Variants in SIPA1L1 observed in about 807,000 individuals in gnomAD.
The protein encoded by SIPA1L1 is signal-induced proliferation-associated 1-like protein 1.
Under a neutral mutation model 162.7 loss-of-function variants are expected in SIPA1L1, and 26 were observed. The observed-to-expected ratio is 0.16, with a 90% CI of 0.12 to 0.22. The LOEUF is 0.22. Among genes scored for constraint, SIPA1L1 ranks in the 10% least tolerant of loss-of-function variants. The pLI is 1.00. For synonymous variants in SIPA1L1, 829 were observed against 837.4 expected (o/e 0.99, Z 0.17); for missense variants, 1,874 against 2,241.0 (o/e 0.84, Z 3.31).
chr14:71,716,959 G>T (rs1263349245), intron 17 of SIPA1L1, among the ~76,000 whole-genome samples: 1 of 152,206 alleles, frequency 6.6e-6, no homozygotes, highest in Admixed American at 6.5e-5. Flanking sequence ...GAGTGCAGTA[G>T]CACGATCTTG....
chr14:71,358,280 C>G (rs1056341397), intron 2 of SIPA1L1, among the ~76,000 whole-genome samples: 1 of 152,178 alleles, frequency 6.6e-6, no homozygotes, highest in Non-Finnish European at 1.5e-5. Flanking sequence ...TAAAAACACA[C>G]CAAGCATACC....
intron 2 of SIPA1L1, among the ~76,000 whole-genome samples, chr14:71,359,736 G>T (rs1320331963): frequency 6.6e-6 from 1 of 152,124 alleles, no homozygotes; most frequent in Non-Finnish European, 1.5e-5. Context: ...GAGTTGTGTT[G>T]TATACAGTTT....
intron 2 of SIPA1L1, among the ~76,000 whole-genome samples, chr14:71,501,603 A>G (rs1280873934): frequency 6.6e-6 from 1 of 152,166 alleles, no homozygotes; most frequent in Admixed American, 6.5e-5. Context: ...GTGGCTTCTG[A>G]GGTGTTGGTA....
intron 4 of SIPA1L1, among the ~76,000 whole-genome samples, chr14:71,547,973 T>C (rs112606581): frequency 1.3e-5 from 2 of 152,226 alleles, no homozygotes; most frequent in Non-Finnish European, 2.9e-5. Flanking sequence ...GCCTCTCTTA[T>C]TCAGTAGCTC....
chr14:71,542,572 T>TTCC (rs1303643008), intron 4 of SIPA1L1, among the ~76,000 whole-genome samples: 11 of 131,912 alleles, frequency 8.3e-5, no homozygotes, highest in African/African-American at 3.2e-4. Flanking sequence ...CCTCCTTCTC[T>TTCC]TCCTCCTCCT....
At chr14:71,349,872 C>T (rs1311580586) in intron 2 of SIPA1L1, among the ~76,000 whole-genome samples, 2 of 152,088 alleles carry the variant, frequency 1.3e-5, no homozygotes, top group Admixed American at 1.3e-4. Flanking sequence ...TAAGTAATCC[C>T]CAAATATAGG....
intron 2 of SIPA1L1, among the ~76,000 whole-genome samples, chr14:71,436,702 A>G (rs938897957): frequency 6.6e-6 from 1 of 150,696 alleles, no homozygotes; most frequent in Non-Finnish European, 1.5e-5. Flanking sequence ...CTTCTTTTTT[A>G]TAATTGCCCT....
intron 5 of SIPA1L1, among the ~76,000 whole-genome samples, chr14:71,593,744 A>AG (rs2035694770): frequency 6.6e-6 from 1 of 152,020 alleles, no homozygotes; most frequent in Admixed American, 6.6e-5. Flanking sequence ...TCCTATAGAG[A>AG]GGAATGCATT....
intron 2 of SIPA1L1, among the ~76,000 whole-genome samples, chr14:71,424,859 G>A (rs140509580): frequency 1.4e-4 from 21 of 151,936 alleles, no homozygotes; most frequent in African/African-American, 4.8e-4. Context: ...TTATTTGTTT[G>A]GTAAAATTTA....
chr14:71,679,060 C>G (rs547309971), intron 12 of SIPA1L1, among the ~76,000 whole-genome samples: 41 of 152,174 alleles, frequency 2.7e-4, no homozygotes, highest in Admixed American at 2.6e-3. Context: ...GGCAGGCCAA[C>G]ATTCATATTC....
intron 16 of SIPA1L1, among the ~76,000 whole-genome samples, chr14:71,708,807 CT>C (rs2082664388): frequency 6.6e-6 from 1 of 152,144 alleles, no homozygotes; most frequent in African/African-American, 2.4e-5. Context: ...AGACATAAGT[CT>C]TATATTCAGC....
At chr14:71,640,504 A>G (rs1414766489) in intron 7 of SIPA1L1, among the ~76,000 whole-genome samples, 1 of 152,238 alleles carries the variant, frequency 6.6e-6, no homozygotes, top group Non-Finnish European at 1.5e-5. Context: ...AAGTTAGGAG[A>G]CAGATCAGAG....
intron 2 of SIPA1L1, among the ~76,000 whole-genome samples, chr14:71,447,370 C>G (rs1367039205): frequency 6.6e-6 from 1 of 152,050 alleles, no homozygotes; most frequent in Non-Finnish European, 1.5e-5. Flanking sequence ...CCTAACAAGC[C>G]TATGGTGCTA....
intron 17 of SIPA1L1, among the ~76,000 whole-genome samples, chr14:71,711,538 T>A (rs2082874846): frequency 6.6e-6 from 1 of 152,206 alleles, no homozygotes; most frequent in South Asian, 2.1e-4. Context: ...TGGTCCAATG[T>A]GATGGCAGAA....
At chr14:71,643,499 A>G (rs2041904972) in intron 7 of SIPA1L1, among the ~76,000 whole-genome samples, 1 of 152,232 alleles carries the variant, frequency 6.6e-6, no homozygotes, top group Non-Finnish European at 1.5e-5. Flanking sequence ...AAATGATTAC[A>G]TTTTACATGT....
At chr14:71,578,333 G>A (rs1223960794) in intron 4 of SIPA1L1, among the ~76,000 whole-genome samples, 1 of 152,182 alleles carries the variant, frequency 6.6e-6, no homozygotes, top group African/African-American at 2.4e-5. Context: ...CTCCCAAAGT[G>A]CTGGGATTAC....
intron 2 of SIPA1L1, among the ~76,000 whole-genome samples, chr14:71,360,366 G>C (rs1275056927): frequency 1.3e-5 from 2 of 152,200 alleles, no homozygotes; most frequent in Non-Finnish European, 2.9e-5. Flanking sequence ...ATAGAAATCA[G>C]ATATGCCAAC....
chr14:71,419,872 T>C (rs1022403456), intron 2 of SIPA1L1, among the ~76,000 whole-genome samples: 1 of 151,818 alleles, frequency 6.6e-6, no homozygotes, highest in African/African-American at 2.4e-5. Context: ...TAAAAAAAAA[T>C]TAGCTGGACA....
At chr14:71,621,315 T>G (rs1413938856) in intron 6 of SIPA1L1, among the ~76,000 whole-genome samples, 2 of 152,200 alleles carry the variant, frequency 1.3e-5, no homozygotes, top group East Asian at 3.9e-4. Context: ...CCACTGTCTT[T>G]GCTAGCCTAG....
Sources: allele counts gnomAD v4.1 joint callset (sites outside exome capture counted in the v4.1 genomes callset), GRCh38; gene constraint gnomAD v4.1.1; transcripts MANE v1.5; gene names NCBI Gene and HGNC (gene_info 2026-07-23, HGNC 2026-07-21).